Variants in EDA observed in about 807,000 individuals in gnomAD.
EDA encodes the protein ectodysplasin A, also known as ectodysplasin-A.
EDA carries 2 observed loss-of-function variants against 23.6 expected under a neutral mutation model. The observed-to-expected ratio is 0.08, with a 90% confidence interval of 0.03 to 0.27. EDA has a LOEUF of 0.27. EDA is among the 10% of genes least tolerant of loss of function. The probability of loss-of-function intolerance (pLI) is 1.00; values close to 1 mark genes in which losing one functional copy is unlikely to be tolerated. For synonymous variants in EDA, 131 were observed against 132.0 expected, an observed-to-expected ratio of 0.99 and a Z score of 0.05; for missense variants, 229 against 324.2, an observed-to-expected ratio of 0.71 and a Z score of 2.26.
At chrX:69,656,938 T>C (rs778254083) in intron 1 of EDA, among the ~76,000 whole-genome samples, 4 of 112,264 alleles carry the variant, frequency 3.6e-5, no homozygotes, top group Non-Finnish European at 7.5e-5. Flanking sequence ...TTAGCTATTG[T>C]GAATAGTGCT....
At chrX:69,716,462 T>C (rs2012338383) in intron 1 of EDA, among the ~76,000 whole-genome samples, 1 of 111,759 alleles carries the variant, frequency 8.9e-6, no homozygotes, top group South Asian at 3.8e-4. Flanking sequence ...GCTGTTTTGG[T>C]TACTGTCACC....
At chrX:69,834,064 G>T (rs2016701248) in intron 1 of EDA, among the ~76,000 whole-genome samples, 2 of 106,830 alleles carry the variant, frequency 1.9e-5, no homozygotes, top group Non-Finnish European at 3.8e-5. Context: ...TTGGTTTTCT[G>T]TCCTTGTGAT....
Position 69,730,690 on chromosome X carries a change from G to A in EDA, c.396+113986G>A, listed in dbSNP as rs752887507. On this transcript the variant is annotated intron_variant, in intron 1 of 7. Transcript: ENST00000374552. The stretch of plus-strand genomic sequence containing the variant: ...TTTGTACCCAATAGATGCTTAAAAT[G>A]CGTGTGTTTGATTTGGCAAAGGAAA... Among the ~76,000 whole-genome samples the A allele has an allele frequency of 3.0e-4, 34 of 111,971 alleles. 1 individual carries two copies. Among genetic ancestry groups the A allele is most frequent in the Admixed American group, 6.6e-4 (7 of 10,562 alleles).
chrX:69,876,758 T>G (rs1287205558), intron 1 of EDA, among the ~76,000 whole-genome samples: 1 of 112,546 alleles, frequency 8.9e-6, no homozygotes, highest in East Asian at 2.8e-4. Context: ...TCTGTGCTGT[T>G]GTACATTAGC....
chrX:69,681,441 C>T (rs1390049917), intron 1 of EDA, among the ~76,000 whole-genome samples: 5 of 111,348 alleles, frequency 4.5e-5, no homozygotes, highest in African/African-American at 9.8e-5. Flanking sequence ...CCATTCTCCC[C>T]GTCACTTTCA....
intron 1 of EDA, among the ~76,000 whole-genome samples, chrX:69,662,503 C>G (rs1933544810): frequency 8.9e-6 from 1 of 112,266 alleles, no homozygotes; most frequent in Admixed American, 9.5e-5. Flanking sequence ...AACTGTGAGT[C>G]CATTAAACCT....
intron 1 of EDA, among the ~76,000 whole-genome samples, chrX:69,899,199 A>T (rs1330196955): frequency 8.9e-6 from 1 of 112,033 alleles, no homozygotes; most frequent in African/African-American, 3.2e-5. Flanking sequence ...ATTGCTTATC[A>T]TAAGGATTGA....
In EDA at chrX:69,948,284, A is replaced by G. The variant is rs186754333; in HGVS notation, c.397-8743A>G. Among the ~76,000 whole-genome samples, 23 of 112,291 alleles carry G rather than the reference A, an allele frequency of 2.0e-4. 1 individual carries two copies. In the East Asian group the frequency reaches 6.4e-3, roughly 31 times the overall value. ...TTTGTAGTTACTTGCATTGTTGGGCAGTGATTTTTAAGTCAAACTGCCTAG... is the reference window on the plus strand; with the variant it reads ...TTTGTAGTTACTTGCATTGTTGGGCGGTGATTTTTAAGTCAAACTGCCTAG... On this transcript the variant is annotated intron_variant, in intron 1 of 7. Transcript: ENST00000374552.
At chrX:69,826,271 G>A (rs148565470) in intron 1 of EDA, among the ~76,000 whole-genome samples, 1,543 of 110,938 alleles carry the variant, frequency 0.014, 19 homozygotes, top group African/African-American at 0.046. Flanking sequence ...CTTCTGTCTT[G>A]TTGATCTGTC....
At chrX:70,006,892 A>G (rs2019809406) in intron 2 of EDA, among the ~76,000 whole-genome samples, 1 of 110,575 alleles carries the variant, frequency 9.0e-6, no homozygotes, top group Non-Finnish European at 1.9e-5. Context: ...TAAGAGTTTT[A>G]TGGTTTTGTG....
At chrX:69,757,315 A>G (rs756406269) in intron 1 of EDA, among the ~76,000 whole-genome samples, 1 of 111,883 alleles carries the variant, frequency 8.9e-6, no homozygotes, top group East Asian at 2.8e-4. Flanking sequence ...GTAAAAAAAA[A>G]GAGGGGGAGT....
intron 1 of EDA, among the ~76,000 whole-genome samples, chrX:69,748,696 A>G (rs1379929211): frequency 8.9e-6 from 1 of 111,762 alleles, no homozygotes; most frequent in Non-Finnish European, 1.9e-5. Flanking sequence ...TCTCTGCTTT[A>G]CCACTTACCC....
chrX:69,984,018 C>T (rs1443520870), intron 2 of EDA, among the ~76,000 whole-genome samples: 1 of 96,147 alleles, frequency 1.0e-5, no homozygotes, highest in East Asian at 3.4e-4. Context: ...TCCTGAATGA[C>T]TACTGGGTAC....
In EDA at chrX:70,027,885, T is replaced by TGGCCCTCCA. The variant is rs2020136158; in HGVS notation, c.558_566dup (p.Pro194_Pro196dup). ...AGAAAGCAGGACCTCCTGGACCCAA[T>TGGCCCTCCA]GGCCCTCCAGGACCCCCAGGACCTC... On this transcript the variant is annotated inframe_insertion, in exon 4 of 8. Coordinates refer to ENST00000374552, the MANE Select transcript of EDA (RefSeq NM_001399.5). The TGGCCCTCCA allele has an allele frequency of 9.8e-7, 1 of 1,016,446 alleles. No homozygotes were observed. Among genetic ancestry groups the TGGCCCTCCA allele is most frequent in the African/African-American group, 1.9e-5 (1 of 51,996 alleles). 83.8% of individuals were successfully genotyped at this position (1,016,446 alleles called of 1,213,427 possible). A position where few individuals can be genotyped will look rare whatever the true frequency, so the allele number is the denominator to read the frequency against.
chrX:69,660,370 C>G (rs1438185278), intron 1 of EDA, among the ~76,000 whole-genome samples: 1 of 109,791 alleles, frequency 9.1e-6, no homozygotes, highest in African/African-American at 3.3e-5. Context: ...ACTTTAAGTT[C>G]TAGGGTACAT....
At chrX:69,941,035 T>C (rs971295993) in intron 1 of EDA, among the ~76,000 whole-genome samples, 1 of 111,839 alleles carries the variant, frequency 8.9e-6, no homozygotes, top group African/African-American at 3.2e-5. Context: ...GGCCCACTGG[T>C]CATTCAGGAG....
chrX:69,845,993 A>C (rs1452269715), intron 1 of EDA, among the ~76,000 whole-genome samples: 1 of 112,292 alleles, frequency 8.9e-6, no homozygotes, highest in Non-Finnish European at 1.9e-5. Flanking sequence ...CCAAAACTAC[A>C]TAGCTAAACT....
intron 1 of EDA, among the ~76,000 whole-genome samples, chrX:69,662,638 G>T (rs548897359): frequency 8.9e-6 from 1 of 112,401 alleles, no homozygotes; most frequent in African/African-American, 3.2e-5. Flanking sequence ...ATGTGGAAGC[G>T]TCTTTAGAAC....
At chrX:69,716,807 T>C (rs2012353991) in intron 1 of EDA, among the ~76,000 whole-genome samples, 1 of 111,400 alleles carries the variant, frequency 9.0e-6, no homozygotes. Context: ...TATTCCTAGG[T>C]ATTTTATTCG....
Sources: gnomAD v4.1 joint callset for allele counts (sites outside exome capture counted in the v4.1 genomes callset) on GRCh38, gnomAD v4.1.1 for gene constraint, MANE v1.5 for transcripts, NCBI Gene and HGNC (gene_info 2026-07-23, HGNC 2026-07-21) for gene names.